Variants in FBXO15 observed in about 807,000 individuals in gnomAD.
FBXO15 encodes the protein F-box protein 15.
A neutral mutation model predicts 49.5 loss-of-function variants in FBXO15; 30 were observed. The ratio of observed to expected loss-of-function variants is 0.61; its 90% confidence interval spans 0.45 to 0.82. The LOEUF (loss-of-function observed/expected upper bound fraction) is 0.82. Ranked by LOEUF, FBXO15 falls within the 40% of genes least tolerant of loss-of-function variation. FBXO15 has a pLI of 0.00. For synonymous variants in FBXO15, 250 were observed against 232.7 expected (o/e 1.07, Z -0.68); for missense variants, 591 against 631.5 (o/e 0.94, Z 0.69).
chr18:74,087,045 T>C (rs768776433), intron 8 of FBXO15, among the ~76,000 whole-genome samples: 1 of 152,262 alleles, frequency 6.6e-6, no homozygotes, highest in Admixed American at 6.5e-5. Context: ...TATACTCTTT[T>C]AAATGTGCAA....
chr18:74,073,999 T>C (rs1912152005), intron 9 of FBXO15, among the ~76,000 whole-genome samples: 1 of 152,126 alleles, frequency 6.6e-6, no homozygotes, highest in Non-Finnish European at 1.5e-5. Context: ...GAGAAATGTG[T>C]CACAAATATT....
intron 8 of FBXO15, among the ~76,000 whole-genome samples, chr18:74,083,007 C>T (rs1912570983): frequency 6.6e-6 from 1 of 152,176 alleles, no homozygotes; most frequent in Non-Finnish European, 1.5e-5. Flanking sequence ...CAGTGTTCTC[C>T]AACTTCAGTG....
At chr18:74,078,333 C>A (rs183425504) in intron 9 of FBXO15, among the ~76,000 whole-genome samples, 2 of 149,254 alleles carry the variant, frequency 1.3e-5, no homozygotes, top group Non-Finnish European at 3.0e-5. Flanking sequence ...TTCAAGGCCC[C>A]CCCCCGACCT....
At chr18:74,128,491 T>C (rs191351125) in intron 5 of FBXO15, among the ~76,000 whole-genome samples, 1 of 152,062 alleles carries the variant, frequency 6.6e-6, no homozygotes, top group Non-Finnish European at 1.5e-5. Context: ...GCAAGGATGG[T>C]AAGAAAACGA....
At position 74,074,199 on chromosome 18, in the gene FBXO15, C is replaced by T. The variant is rs910902976; in HGVS notation, c.1264-469G>A. Reference sequence around the variant, plus strand: ...TTCTGAGAAACCTGCTTCTCTGAGGCTCTGAACTGCAGCTCTGCACCCATG... The same window carrying T: ...TTCTGAGAAACCTGCTTCTCTGAGGTTCTGAACTGCAGCTCTGCACCCATG... On this transcript the variant is annotated intron_variant, in intron 9 of 9. Transcript: ENST00000419743. The surrounding 1 kb of genome is among the most constrained non-coding windows in gnomAD (Gnocchi z 4.7). 6.6e-6 allele frequency among the ~76,000 whole-genome samples: 1 copy of T among 152,170 alleles called. No individual in the cohort carries two copies.
At chr18:74,140,586 G>A (rs28590185) in intron 1 of FBXO15, 14,981 of 263,056 alleles carry the variant, frequency 0.057, 2,748 homozygotes, top group African/African-American at 0.4. Flanking sequence ...TGATGGTAAG[G>A]AAGGAAGAAA....
At chr18:74,077,191 C>T (rs1437307869) in intron 9 of FBXO15, among the ~76,000 whole-genome samples, 2 of 152,156 alleles carry the variant, frequency 1.3e-5, no homozygotes, top group Non-Finnish European at 2.9e-5. Flanking sequence ...CACACAGTCA[C>T]TGAAGCTCAA....
At chr18:74,078,336 C>CA (rs1379876940) in intron 9 of FBXO15, among the ~76,000 whole-genome samples, 1 of 149,178 alleles carries the variant, frequency 6.7e-6, no homozygotes, top group African/African-American at 2.5e-5. Flanking sequence ...AAGGCCCCCC[C>CA]CCGACCTGCC....
At chr18:74,081,361 C>T (rs189738602) in intron 9 of FBXO15, among the ~76,000 whole-genome samples, 103 of 152,310 alleles carry the variant, frequency 6.8e-4, no homozygotes, top group African/African-American at 2.4e-3. Context: ...GGCACAAGGA[C>T]AGAAGAAAGC....
chr18:74,096,277 C>T (rs2145135773), intron 8 of FBXO15, among the ~76,000 whole-genome samples: 1 of 152,164 alleles, frequency 6.6e-6, no homozygotes, highest in Admixed American at 6.5e-5. Flanking sequence ...AAAGGAGATG[C>T]CAAATCACTG....
At chr18:74,118,435 T>TAC (rs1278857040) in intron 8 of FBXO15, among the ~76,000 whole-genome samples, 3 of 151,668 alleles carry the variant, frequency 2.0e-5, no homozygotes, top group Non-Finnish European at 4.4e-5. Context: ...TATGTGTATA[T>TAC]ACACACACAC....
intron 8 of FBXO15, among the ~76,000 whole-genome samples, chr18:74,112,000 T>C (rs2145167571): frequency 6.6e-6 from 1 of 152,292 alleles, no homozygotes; most frequent in East Asian, 1.9e-4. Flanking sequence ...AAGAAATAGA[T>C]AATCTGAACA....
intron 8 of FBXO15, among the ~76,000 whole-genome samples, chr18:74,114,727 C>T (rs1568170220): frequency 1.3e-5 from 2 of 152,100 alleles, no homozygotes; most frequent in African/African-American, 4.8e-5. Context: ...AAGCAGGTAA[C>T]AATATGTGCA....
At chr18:74,114,801 G>A (rs1914160379) in intron 8 of FBXO15, among the ~76,000 whole-genome samples, 1 of 152,170 alleles carries the variant, frequency 6.6e-6, no homozygotes, top group Middle Eastern at 3.4e-3. Flanking sequence ...TTTCCACATA[G>A]CCATGACTTG....
intron 9 of FBXO15, among the ~76,000 whole-genome samples, chr18:74,081,011 G>A (rs1912470056): frequency 1.3e-5 from 2 of 152,136 alleles, no homozygotes; most frequent in South Asian, 2.1e-4. Context: ...AAGAAGGTAG[G>A]TCTGTGCTCT....
chr18:74,147,717 G>A lies in FBXO15; in HGVS notation c.69C>T (p.Ser23=), dbSNP rs566594682. The A allele has an allele frequency of 6.9e-5, 105 of 1,532,750 alleles. No homozygotes were observed. In the African/African-American group the frequency reaches 1.4e-3, roughly 20 times the overall value. The allele number at this position is 1,532,750 out of a possible 1,614,324, so 94.9% of individuals were successfully genotyped here. Residue 23 remains serine, a synonymous_variant, in exon 1 of 10, where the codon AGC becomes AGT. Transcript: ENST00000419743. ...WLGLQTLRGP[S]RGGGAARGRA... Reference sequence around the variant, plus strand: ...GCCCCCGGGCCGCGCCACCGCCCCTGCTGGGCCCGCGCAGCGTCTGGAGGC... The same window carrying A: ...GCCCCCGGGCCGCGCCACCGCCCCTACTGGGCCCGCGCAGCGTCTGGAGGC...
chr18:74,086,069 AC>A (rs888099271), intron 8 of FBXO15, among the ~76,000 whole-genome samples: 1 of 152,202 alleles, frequency 6.6e-6, no homozygotes, highest in Non-Finnish European at 1.5e-5. Context: ...CTAGGTAATT[AC>A]CACTCAGAAA....
chr18:74,142,344 G>C (rs980008890), intron 1 of FBXO15, among the ~76,000 whole-genome samples: 3 of 152,148 alleles, frequency 2.0e-5, no homozygotes, highest in Non-Finnish European at 2.9e-5. Context: ...GAAAAGCTTA[G>C]GCTCCATTAA....
chr18:74,116,894 G>A (rs553185149), intron 8 of FBXO15, among the ~76,000 whole-genome samples: 31 of 152,088 alleles, frequency 2.0e-4, no homozygotes, highest in Non-Finnish European at 3.5e-4. Context: ...CCTGGTTAGC[G>A]TCGAGCCAGG....
Sources: gnomAD v4.1 joint callset for allele counts (sites outside exome capture counted in the v4.1 genomes callset) on GRCh38, gnomAD v4.1.1 for gene constraint, Gnocchi (gnomAD v3.1) non-coding constraint, MANE v1.5 for transcripts, NCBI Gene and HGNC (gene_info 2026-07-23, HGNC 2026-07-21) for gene names.